PRORP: variants seen among roughly 807,000 people sequenced by gnomAD.
PRORP encodes the protein protein only RNase P catalytic subunit.
A neutral mutation model predicts 59.4 loss-of-function variants in PRORP; 51 were observed. The ratio of observed to expected loss-of-function variants is 0.86; its 90% CI spans 0.69 to 1.08. PRORP has a LOEUF of 1.08. Ranked by LOEUF, PRORP falls within the 50% of genes least tolerant of loss-of-function variation. The pLI is 0.00. For synonymous variants in PRORP, 231 were observed against 245.6 expected, an observed-to-expected ratio of 0.94 and a Z score of 0.55; for missense variants, 646 against 690.3, an observed-to-expected ratio of 0.94 and a Z score of 0.72.
chr14:35,215,801 C>A (rs564027663), intron 5 of PRORP, among the ~76,000 whole-genome samples: 152 of 151,864 alleles, frequency 1.0e-3, no homozygotes, highest in Non-Finnish European at 1.9e-3. Flanking sequence ...GGGTCTCACC[C>A]TGTCGCCCAG....
chr14:35,160,232 A>C (rs1383772802), intron 4 of PRORP, among the ~76,000 whole-genome samples: 2 of 152,172 alleles, frequency 1.3e-5, no homozygotes, highest in African/African-American at 4.8e-5. Context: ...TTTCTACCTG[A>C]GTATTCCTGC....
At chr14:35,183,214 A>T (rs964828524) in intron 5 of PRORP, among the ~76,000 whole-genome samples, 22 of 130,436 alleles carry the variant, frequency 1.7e-4, no homozygotes, top group Admixed American at 1.1e-3. Context: ...TTTAACACAT[A>T]CATACATACA....
intron 5 of PRORP, among the ~76,000 whole-genome samples, chr14:35,241,087 G>A (rs956078128): frequency 5.3e-5 from 8 of 152,064 alleles, no homozygotes; most frequent in African/African-American, 1.9e-4. Flanking sequence ...TTAAATATAT[G>A]GGAGGGAAGG....
Position 35,181,783 on chromosome 14 carries a change from C to CCAAA in PRORP, c.1275+1006_1275+1007insCAAA, listed in dbSNP as rs534136447. 1.2e-4 allele frequency among the ~76,000 whole-genome samples: 13 copies of CCAAA among 109,388 alleles called. No individual in the cohort carries two copies. The East Asian group carries it at 1.2e-3, about 10-fold the overall frequency. The allele number at this position is 109,388 out of a possible 152,430, so 71.8% of individuals were successfully genotyped here. ...CTGGGCAACAAGAGCAAAACTGTCT[C>CCAAA]AAAAAAAAAAAAAAAAAAGTAATGA... On this transcript the variant is annotated intron_variant, in intron 5 of 7. Coordinates refer to ENST00000534898, the MANE Select transcript of PRORP (RefSeq NM_014672.4).
intron 4 of PRORP, 38 bp downstream of exon 4, chr14:35,127,649 G>T: frequency 7.4e-6 from 12 of 1,611,994 alleles, no homozygotes; most frequent in Non-Finnish European, 1.0e-5. Flanking sequence ...TGGATTGCTT[G>T]TCTAGAGCAG....
intron 5 of PRORP, among the ~76,000 whole-genome samples, chr14:35,230,454 T>G (rs2050048670): frequency 6.6e-6 from 1 of 152,246 alleles, no homozygotes; most frequent in African/African-American, 2.4e-5. Flanking sequence ...AAGTATATCT[T>G]TGAGCGGGAG....
chr14:35,151,639 TAC>T (rs55940352), intron 4 of PRORP, among the ~76,000 whole-genome samples: 13,288 of 141,574 alleles, frequency 0.094, 790 homozygotes, highest in East Asian at 0.26. Flanking sequence ...CACACACACA[TAC>T]ACACACACAC....
At chr14:35,140,493 TATA>T (rs1364896281) in intron 4 of PRORP, among the ~76,000 whole-genome samples, 6 of 146,062 alleles carry the variant, frequency 4.1e-5, no homozygotes, top group Non-Finnish European at 9.1e-5. Flanking sequence ...ATATCTTTGG[TATA>T]ATATTTATTT....
intron 5 of PRORP, among the ~76,000 whole-genome samples, chr14:35,233,616 C>A (rs1328378521): frequency 1.5e-5 from 2 of 137,252 alleles, no homozygotes; most frequent in Non-Finnish European, 3.1e-5. Flanking sequence ...TTAGGCCACC[C>A]TAAAATTTGC....
At chr14:35,257,684 A>G (rs1267336111) in intron 5 of PRORP, among the ~76,000 whole-genome samples, 3 of 152,190 alleles carry the variant, frequency 2.0e-5, no homozygotes, top group African/African-American at 7.2e-5. Flanking sequence ...TAAATGAGGT[A>G]TATTGATGAT....
Position 35,274,925 on chromosome 14 carries a change from G to A in PRORP, c.*1359G>A, listed in dbSNP as rs2051275123. 1 of 152,052 alleles carries A rather than the reference G, an allele frequency of 6.6e-6. No individual in the cohort carries two copies. The highest frequency in any genetic ancestry group is 6.5e-5 in the Admixed American group (1 of 15,270). The allele number at this position is 152,052 out of a possible 1,614,324, so 9.4% of individuals were successfully genotyped here. A position where few individuals can be genotyped will look rare whatever the true frequency, so the allele number is the denominator to read the frequency against. On this transcript the variant is annotated 3_prime_UTR_variant, in exon 8 of 8. Transcript: ENST00000534898. The stretch of plus-strand genomic sequence containing the variant: ...TCACTAGCCAGCTTACAGTTTATTA[G>A]CCCTTGATTTCAGCTGAAAATATTC...
intron 5 of PRORP, among the ~76,000 whole-genome samples, chr14:35,237,228 G>GA (rs1248590419): frequency 1.3e-5 from 2 of 151,752 alleles, no homozygotes; most frequent in Non-Finnish European, 2.9e-5. Flanking sequence ...GAGTAGCTGG[G>GA]ACCACAGACG....
chr14:35,255,417 A>G (rs980810385), intron 5 of PRORP, among the ~76,000 whole-genome samples: 2 of 152,224 alleles, frequency 1.3e-5, no homozygotes, highest in African/African-American at 4.8e-5. Context: ...GGCATGAGCC[A>G]CCACACCCGG....
chr14:35,163,849 T>C (rs749770419), intron 4 of PRORP, among the ~76,000 whole-genome samples: 21 of 152,182 alleles, frequency 1.4e-4, no homozygotes, highest in Middle Eastern at 3.2e-3. Context: ...TTGCCAAGGC[T>C]GATGTCAAGA....
chr14:35,266,155 T>G (rs965730211), intron 5 of PRORP, among the ~76,000 whole-genome samples: 1 of 151,716 alleles, frequency 6.6e-6, no homozygotes, highest in South Asian at 2.1e-4. Context: ...CCGTCTCTAC[T>G]AAAAATACAA....
intron 5 of PRORP, chr14:35,235,223 G>T: frequency 1.4e-6 from 1 of 722,100 alleles, no homozygotes; most frequent in Non-Finnish European, 2.5e-6. Flanking sequence ...TTCGAGCTTG[G>T]TGATGCGAGC....
chr14:35,244,542 G>A (rs1337908946), intron 5 of PRORP, among the ~76,000 whole-genome samples: 1 of 151,696 alleles, frequency 6.6e-6, no homozygotes, highest in Non-Finnish European at 1.5e-5. Context: ...GAATGATTGG[G>A]TTTAAACATA....
chr14:35,139,561 C>G lies in PRORP; in HGVS notation c.1167+11950C>G, dbSNP rs140156175. Among the ~76,000 whole-genome samples the G allele has an allele frequency of 5.5e-5, 8 of 145,244 alleles. 1 individual carries two copies. The highest frequency in any genetic ancestry group is 9.7e-5 in the African/African-American group (4 of 41,082). ...GAGATTTCATCCTTGTTTTGTGTCT[C>G]AATCATTCTTTCATTTTTATAATTG... is the stretch of plus-strand genomic sequence containing the variant. On this transcript the variant is annotated intron_variant, in intron 4 of 7. Transcript: ENST00000534898.
At chr14:35,204,088 A>T (rs1278065232) in intron 5 of PRORP, among the ~76,000 whole-genome samples, 10 of 152,158 alleles carry the variant, frequency 6.6e-5, no homozygotes, top group Non-Finnish European at 1.3e-4. Flanking sequence ...AACCACAAAA[A>T]ACTTCCTGTG....
Sources: allele counts gnomAD v4.1 joint callset (sites outside exome capture counted in the v4.1 genomes callset), GRCh38; gene constraint gnomAD v4.1.1; transcripts MANE v1.5; gene names NCBI Gene and HGNC (gene_info 2026-07-23, HGNC 2026-07-21).